Variants in PCDHGB6 observed in about 807,000 individuals in gnomAD.
PCDHGB6 encodes the protein protocadherin gamma subfamily B, 6.
Under a neutral mutation model 59.1 loss-of-function variants are expected in PCDHGB6, and 51 were observed. That is an observed-to-expected ratio of 0.86 (90% CI 0.69 to 1.09). The LOEUF is 1.09. PCDHGB6 is among the 50% of genes least tolerant of loss of function. The pLI is 0.00. For missense variants in PCDHGB6, 1,148 were observed against 1,205.1 expected (o/e 0.95, Z 0.70); for synonymous variants, 466 against 495.1 (o/e 0.94, Z 0.78).
Position 141,431,897 on chromosome 5 carries a change from G to A in PCDHGB6, c.2418+21277G>A. On this transcript the variant is annotated intron_variant, in intron 1 of 3. Transcript: ENST00000520790. This position sits in a 1 kb window ranked among gnomAD's most constrained non-coding sequence, Gnocchi z 4.8. ...AAATGACCAAGATTCTGAGGAAAAC[G>A]GACAGGTGATCTGTTTCATCCAAGG... is the stretch of plus-strand genomic sequence containing the variant. 6 of 1,613,830 alleles carry A rather than the reference G, an allele frequency of 3.7e-6. No individual in the cohort carries two copies. The highest frequency in any genetic ancestry group is 5.1e-6 in the Non-Finnish European group (6 of 1,179,704).
rs746046310 is a variant in PCDHGB6, at chr5:141,410,427, A to G, written c.2225A>G (p.Asn742Ser). Residue 742 changes from asparagine (N) to serine (S), a missense_variant, in exon 1 of 4, where the codon AAC becomes AGC. By Grantham distance (46) the Asn-to-Ser change is conservative. Transcript: ENST00000520790. ...AAGTCTGGACCTGTAGTTCCCCCCA[A>G]CTACAGTGAGGGGACTTTGCCTTAT... ...CVKSGPVVPP[N>S]YSEGTLPYSY... 1.4e-5 allele frequency: 22 copies of G among 1,613,832 alleles called. No homozygotes were observed. The highest frequency in any genetic ancestry group is 1.1e-4 in the East Asian group (5 of 44,870).
intron 1 of PCDHGB6, among the ~76,000 whole-genome samples, chr5:141,429,774 G>A (rs1175985162): frequency 6.6e-6 from 1 of 152,070 alleles, no homozygotes; most frequent in Non-Finnish European, 1.5e-5. Context: ...ATTTTGATGG[G>A]CTTCCAAAAG....
At chr5:141,410,839 T>G in intron 1 of PCDHGB6, 2 of 481,442 alleles carry the variant, frequency 4.2e-6, no homozygotes, top group Non-Finnish European at 6.8e-6. Context: ...TGAAGATATT[T>G]TGTCTTTGTC....
At position 141,432,781 on chromosome 5, in the gene PCDHGB6, C is replaced by T. The variant is rs761954375; in HGVS notation, c.2418+22161C>T. On this transcript the variant is annotated intron_variant, in intron 1 of 3. Coordinates refer to ENST00000520790, the MANE Select transcript of PCDHGB6 (RefSeq NM_018926.3). This position sits in a 1 kb window ranked among gnomAD's most constrained non-coding sequence, Gnocchi z 6.0. ...ACAGCATCCCCCAAGTCCTGGCGGA[C>T]CTCGGCAGCCTCGAGTCTCCAGCTA... The T allele has an allele frequency of 3.1e-6, 5 of 1,614,064 alleles. No homozygotes were observed. The Admixed American group carries it at 8.3e-5, about 27-fold the overall frequency.
intron 1 of PCDHGB6, among the ~76,000 whole-genome samples, chr5:141,464,723 T>A (rs1166321691): frequency 6.6e-6 from 1 of 152,156 alleles, no homozygotes; most frequent in Non-Finnish European, 1.5e-5. Flanking sequence ...TTTCATATGT[T>A]TAAAAGCCAG....
rs1258238617 is a variant in PCDHGB6, at chr5:141,409,461, T to A, written c.1259T>A (p.Val420Asp). Residue 420 changes from valine (V) to aspartate (D), a missense_variant, in exon 1 of 4, where the codon GTC (valine) becomes GAC (aspartate). Val to Asp is a radical substitution (Grantham distance 152). Around this residue, in one of 5 missense-constraint regions of PCDHGB6, gnomAD observed 549 missense variants for 527.5 expected, o/e 1.04. Coordinates refer to ENST00000520790, the MANE Select transcript of PCDHGB6 (RefSeq NM_018926.3). ...CGAGAGCAGACACCAGAATACAATG[T>A]CACCATCGTAGCCACTGACAGGGGC... The part of the protein sequence containing the change: ...LDREQTPEYN[V>D]TIVATDRGKP... The A allele has an allele frequency of 5.0e-6, 8 of 1,613,928 alleles. No homozygotes were observed. In the Admixed American group the frequency reaches 1.3e-4, roughly 27 times the overall value.
chr5:141,433,221 A>G, intron 1 of PCDHGB6: 1 of 1,475,672 alleles, frequency 6.8e-7, no homozygotes, highest in African/African-American at 1.4e-5. Context: ...TTTTTTTTTT[A>G]ATTGCTCTGT....
At chr5:141,443,704 C>T (rs894128704) in intron 1 of PCDHGB6, among the ~76,000 whole-genome samples, 6 of 152,102 alleles carry the variant, frequency 3.9e-5, no homozygotes, top group Non-Finnish European at 7.4e-5. Flanking sequence ...TATAGAATAA[C>T]ATTTGCATAT....
intron 1 of PCDHGB6, chr5:141,416,850 T>C (rs2096064812): frequency 6.6e-6 from 1 of 151,902 alleles, no homozygotes; most frequent in South Asian, 2.1e-4. Flanking sequence ...AATTCCATGA[T>C]TTTTTTCAGG....
intron 1 of PCDHGB6, among the ~76,000 whole-genome samples, chr5:141,483,613 C>A (rs2099583607): frequency 6.6e-6 from 1 of 151,914 alleles, no homozygotes; most frequent in South Asian, 2.1e-4. Context: ...ACACCTCCAT[C>A]ATTCCCATGG....
At position 141,432,297 on chromosome 5, in the gene PCDHGB6, T is replaced by C. The variant is rs1339659774; in HGVS notation, c.2418+21677T>C. 3.1e-6 allele frequency: 5 copies of C among 1,614,040 alleles called. No individual in the cohort carries two copies. The highest frequency in any genetic ancestry group is 1.7e-5 in the Admixed American group (1 of 60,006). ...GTGTCCATCAACTCCGACACTGGGG[T>C]ACTGTATGCGCTGAGCTCCTTCGAC... On this transcript the variant is annotated intron_variant, in intron 1 of 3. Transcript: ENST00000520790. This position sits in a 1 kb window ranked among gnomAD's most constrained non-coding sequence, Gnocchi z 6.0.
chr5:141,436,048 T>G (rs553708148), intron 1 of PCDHGB6, among the ~76,000 whole-genome samples: 1 of 152,316 alleles, frequency 6.6e-6, no homozygotes, highest in South Asian at 2.1e-4. Context: ...TACATTAGTT[T>G]TCAAATAGAA....
intron 1 of PCDHGB6, among the ~76,000 whole-genome samples, chr5:141,447,652 C>T (rs901761789): frequency 6.6e-6 from 1 of 151,972 alleles, no homozygotes; most frequent in African/African-American, 2.4e-5. Context: ...TAGAATTTTC[C>T]CCCCCAGGAA....
chr5:141,408,227 C>G lies in PCDHGB6; in HGVS notation c.25C>G (p.Arg9Gly), dbSNP rs771279344. Residue 9 changes from arginine (R) to glycine (G), a missense_variant, in exon 1 of 4, where the codon CGC becomes GGC. This residue lies in a region of PCDHGB6 where 307 missense variants were observed against 323.8 expected (regional missense o/e 0.95). Transcript: ENST00000520790. ...GATGGGAGGGAGCTGCGCGCAGAGG[C>G]GCCGGGCCGGCCCGCGGCAGGTGCT... is the stretch of plus-strand genomic sequence containing the variant. The part of the protein sequence containing the change: MGGSCAQR[R>G]RAGPRQVLFP... The G allele has an allele frequency of 1.9e-6, 3 of 1,562,978 alleles. No individual in the cohort carries two copies. Among genetic ancestry groups the G allele is most frequent in the East Asian group, 2.4e-5 (1 of 41,704 alleles).
At position 141,491,766 on chromosome 5, in the gene PCDHGB6, T is replaced by G. The variant is rs772444495; in HGVS notation, c.2419-3041T>G. On this transcript the variant is annotated intron_variant, in intron 1 of 3. Coordinates refer to ENST00000520790, the MANE Select transcript of PCDHGB6 (RefSeq NM_018926.3). This position sits in a 1 kb window ranked among gnomAD's most constrained non-coding sequence, Gnocchi z 6.9. ...GCACTGGAGAAGCCGCCCGTCCTCA[T>G]AAGGGATTGAACTTGCATCCACTCC... The G allele has an allele frequency of 1.9e-6, 3 of 1,567,856 alleles. No homozygotes were observed. Among genetic ancestry groups the G allele is most frequent in the Non-Finnish European group, 8.6e-7 (1 of 1,158,088 alleles).
At chr5:141,422,789 T>A (rs776409955) in intron 1 of PCDHGB6, 16 of 1,614,158 alleles carry the variant, frequency 9.9e-6, no homozygotes, top group Non-Finnish European at 1.4e-5. Context: ...CTACAATCCT[T>A]CGACTATGAG....
In PCDHGB6 at chr5:141,511,173, A is replaced by T. The variant is rs1384881403; in HGVS notation, c.2793A>T (p.Ter931TyrextTer31). ...AGTCGGGCAAGAAGGAGAAGAAGTA[A>T]CATGGAGGCCAGGCCAAGAGCCACA... ...KKKSGKKEKK[*>Y] Residue 931 changes from the stop codon to tyrosine, a stop_lost, in exon 4 of 4, where the codon TAA (stop) becomes TAT (tyrosine). Coordinates refer to ENST00000520790, the MANE Select transcript of PCDHGB6 (RefSeq NM_018926.3). 6.2e-7 allele frequency: 1 copy of T among 1,614,132 alleles called. No homozygotes were observed.
intron 1 of PCDHGB6, chr5:141,422,570 A>G: frequency 6.2e-7 from 1 of 1,614,012 alleles, no homozygotes; most frequent in African/African-American, 1.3e-5. Flanking sequence ...GATGACAACG[A>G]TAACCCTCCC....
At position 141,477,418 on chromosome 5, in the gene PCDHGB6, C is replaced by G. The variant is rs759728291; in HGVS notation, c.2419-17389C>G. ...GCATCACCGCCCGAGACGCCGGAAC[C>G]CCTTCCCTCTCAGCCCTTACAATAG... On this transcript the variant is annotated intron_variant, in intron 1 of 3. Transcript: ENST00000520790. This position sits in a 1 kb window ranked among gnomAD's most constrained non-coding sequence, Gnocchi z 4.9. 2 of 1,614,166 alleles carry G rather than the reference C, an allele frequency of 1.2e-6. No homozygotes were observed. Among genetic ancestry groups the G allele is most frequent in the Non-Finnish European group, 1.7e-6 (2 of 1,180,030 alleles).
Sources: allele counts gnomAD v4.1 joint callset (sites outside exome capture counted in the v4.1 genomes callset), GRCh38; gene constraint gnomAD v4.1.1; regional missense constraint gnomAD v4.1.1; non-coding constraint Gnocchi (gnomAD v3.1); transcripts MANE v1.5; gene names NCBI Gene and HGNC (gene_info 2026-07-23, HGNC 2026-07-21).